The following GKAP1 variants were observed in gnomAD, a reference collection of about 807,000 sequenced individuals.
GKAP1 encodes G kinase-anchoring protein 1.
A neutral mutation model predicts 56.7 loss-of-function variants in GKAP1; 31 were observed. That is an observed-to-expected ratio of 0.55 (90% CI 0.41 to 0.74). The LOEUF (loss-of-function observed/expected upper bound fraction) is 0.74. Ranked by LOEUF, GKAP1 falls within the 30% of genes least tolerant of loss-of-function variation. GKAP1 has a pLI of 0.00. For synonymous variants in GKAP1, 151 were observed against 138.6 expected (o/e 1.09, Z -0.63); for missense variants, 364 against 402.3 (o/e 0.90, Z 0.82).
At chr9:83,790,455 A>C (rs957031501) in intron 4 of GKAP1, among the ~76,000 whole-genome samples, 4 of 152,208 alleles carry the variant, frequency 2.6e-5, no homozygotes, top group African/African-American at 7.2e-5. Flanking sequence ...ATGTTTCACT[A>C]AACTTAAAGG....
intron 2 of GKAP1, among the ~76,000 whole-genome samples, chr9:83,807,655 T>C (rs1944457455): frequency 6.6e-6 from 1 of 152,244 alleles, no homozygotes. Context: ...TATAACTTAC[T>C]CCTTTGCTTT....
chr9:83,805,026 G>T (rs1365264429), intron 3 of GKAP1, among the ~76,000 whole-genome samples: 1 of 152,112 alleles, frequency 6.6e-6, no homozygotes, highest in African/African-American at 2.4e-5. Context: ...TGGAATAGAA[G>T]GGGGGGAAAG....
intron 5 of GKAP1, among the ~76,000 whole-genome samples, chr9:83,787,048 C>T (rs966313314): frequency 2.6e-5 from 4 of 152,158 alleles, no homozygotes; most frequent in Admixed American, 2.6e-4. Context: ...CTAGCTGTAT[C>T]AATTTTTGTT....
chr9:83,792,498 G>A (rs138965872), intron 4 of GKAP1, among the ~76,000 whole-genome samples: 13 of 152,218 alleles, frequency 8.5e-5, no homozygotes, highest in African/African-American at 2.9e-4. Flanking sequence ...ATGTAGCAGC[G>A]CAGAAAATAA....
chr9:83,796,624 C>T (rs181087539), intron 4 of GKAP1, among the ~76,000 whole-genome samples: 1 of 152,158 alleles, frequency 6.6e-6, no homozygotes, highest in East Asian at 1.9e-4. Flanking sequence ...TGCACCATCA[C>T]GCCTGGCTAA....
intron 8 of GKAP1, among the ~76,000 whole-genome samples, chr9:83,765,289 C>G (rs1247820990): frequency 6.6e-6 from 1 of 152,240 alleles, no homozygotes; most frequent in Non-Finnish European, 1.5e-5. Context: ...GATTTGGGAA[C>G]CTCTGCCTAG....
At chr9:83,770,228 C>T (rs552654954) in intron 7 of GKAP1, among the ~76,000 whole-genome samples, 2 of 152,216 alleles carry the variant, frequency 1.3e-5, no homozygotes, top group East Asian at 1.9e-4. Context: ...ATCCAAGAAA[C>T]CATTGCTTAA....
At chr9:83,797,790 A>G (rs1037981887) in intron 4 of GKAP1, among the ~76,000 whole-genome samples, 12 of 152,190 alleles carry the variant, frequency 7.9e-5, no homozygotes, top group African/African-American at 1.2e-4. Flanking sequence ...TTTTGGTGCA[A>G]ATTTGAGTAG....
At chr9:83,792,147 C>T (rs1944170254) in intron 4 of GKAP1, among the ~76,000 whole-genome samples, 1 of 152,140 alleles carries the variant, frequency 6.6e-6, no homozygotes, top group Non-Finnish European at 1.5e-5. Context: ...TTAAAAAGGA[C>T]ATTGGAATAT....
rs555182277 is a variant in GKAP1, at chr9:83,788,912, A to G, written c.361-234T>C. The G allele has an allele frequency of 1.1e-3, 346 of 307,108 alleles. 2 individuals are homozygous for G. Among genetic ancestry groups the G allele is most frequent in the Admixed American group, 2.1e-3 (43 of 20,094 alleles). 19.0% of individuals were successfully genotyped at this position (307,108 alleles called of 1,614,324 possible). A position where few individuals can be genotyped will look rare whatever the true frequency, so the allele number is the denominator to read the frequency against. ...TTTCTCCTCTTCATTGTTATCTATT[A>G]TATATGATATAATCTTACTTTTTAC... is the stretch of plus-strand genomic sequence containing the variant. On this transcript the variant is annotated intron_variant, in intron 4 of 12. Transcript: ENST00000376371.
intron 2 of GKAP1, among the ~76,000 whole-genome samples, chr9:83,814,949 G>A (rs1475230229): frequency 6.6e-6 from 1 of 152,166 alleles, no homozygotes; most frequent in Non-Finnish European, 1.5e-5. Context: ...CAAGGCGGGT[G>A]GATCACAAGG....
intron 2 of GKAP1, among the ~76,000 whole-genome samples, chr9:83,808,918 T>C (rs60973150): frequency 0.023 from 3,576 of 152,274 alleles, 152 homozygotes; most frequent in African/African-American, 0.081. Context: ...CAGAAGCATA[T>C]AGTGAGATGG....
chr9:83,812,252 T>C (rs1240666993), intron 2 of GKAP1, among the ~76,000 whole-genome samples: 6 of 148,826 alleles, frequency 4.0e-5, no homozygotes, highest in African/African-American at 1.2e-4. Flanking sequence ...TACGTATATA[T>C]GTATACGTAT....
At chr9:83,796,055 C>T (rs1313594989) in intron 4 of GKAP1, among the ~76,000 whole-genome samples, 2 of 152,120 alleles carry the variant, frequency 1.3e-5, no homozygotes, top group African/African-American at 2.4e-5. Context: ...TCTTAAAACG[C>T]TTAAATTTGG....
At chr9:83,784,672 G>A (rs1944034129) in intron 6 of GKAP1, 43 bp downstream of exon 6, 3 of 1,373,548 alleles carry the variant, frequency 2.2e-6, no homozygotes, top group Admixed American at 2.4e-5. Context: ...TAAAACAGAT[G>A]TAGAATAGTT....
At chr9:83,791,592 C>T (rs555459925) in intron 4 of GKAP1, among the ~76,000 whole-genome samples, 113 of 152,238 alleles carry the variant, frequency 7.4e-4, no homozygotes, top group African/African-American at 2.7e-3. Flanking sequence ...AACAAATCTT[C>T]CAAAAATTTC....
At chr9:83,743,050 C>T (rs1943234746) in intron 10 of GKAP1, among the ~76,000 whole-genome samples, 1 of 152,076 alleles carries the variant, frequency 6.6e-6, no homozygotes, top group South Asian at 2.1e-4. Flanking sequence ...GTAATCCCAA[C>T]TACTTGGAAG....
chr9:83,740,587 A>C (rs1415783375), intron 12 of GKAP1, among the ~76,000 whole-genome samples: 1 of 152,190 alleles, frequency 6.6e-6, no homozygotes, highest in Non-Finnish European at 1.5e-5. Flanking sequence ...AATGGTGTCC[A>C]AACTTAGTTG....
At chr9:83,756,984 C>G (rs1943488307) in intron 8 of GKAP1, among the ~76,000 whole-genome samples, 1 of 151,960 alleles carries the variant, frequency 6.6e-6, no homozygotes, top group Non-Finnish European at 1.5e-5. Context: ...AAATATTATA[C>G]TAAAATGAGG....
Sources: gnomAD v4.1 joint callset for allele counts (sites outside exome capture counted in the v4.1 genomes callset) on GRCh38, gnomAD v4.1.1 for gene constraint, MANE v1.5 for transcripts, NCBI Gene and HGNC (gene_info 2026-07-23, HGNC 2026-07-21) for gene names.